GNA13: variants seen among roughly 807,000 people sequenced by gnomAD.
GNA13 encodes G protein subunit alpha 13.
A neutral mutation model predicts 33.5 loss-of-function variants in GNA13; 4 were observed. That is an observed-to-expected ratio of 0.12 (90% CI 0.06 to 0.27). The LOEUF (loss-of-function observed/expected upper bound fraction) is 0.27, where lower values mean the gene tolerates loss of function less well. Among genes scored for constraint, GNA13 ranks in the 10% least tolerant of loss-of-function variants. The pLI is 1.00. For synonymous variants in GNA13, 176 were observed against 183.8 expected (o/e 0.96, Z 0.34); for missense variants, 319 against 487.2 (o/e 0.65, Z 3.25).
intron 2 of GNA13, among the ~76,000 whole-genome samples, chr17:65,024,131 T>C (rs1286884122): frequency 6.6e-6 from 1 of 152,184 alleles, no homozygotes. Context: ...CATGTGCCTG[T>C]AGTCCCAACT....
Position 65,011,637 on chromosome 17 carries a change from A to G in GNA13, c.*2620T>C. 1 of 222,808 alleles carries G rather than the reference A, an allele frequency of 4.5e-6. No individual in the cohort carries two copies. Among genetic ancestry groups the G allele is most frequent in the East Asian group, 6.6e-5 (1 of 15,102 alleles). The allele number at this position is 222,808 out of a possible 1,614,324, so 13.8% of individuals were successfully genotyped here. Reference sequence around the variant, plus strand: ...CTTGTGTGATATTTCCTCAGAATTAAATGAGAAGGCATTCAGATTTAAGAA... The same window carrying G: ...CTTGTGTGATATTTCCTCAGAATTAGATGAGAAGGCATTCAGATTTAAGAA... On this transcript the variant is annotated 3_prime_UTR_variant, in exon 4 of 4. Transcript: ENST00000439174.
At chr17:65,056,275 G>T (rs1207493946) in intron 1 of GNA13, 36 bp downstream of exon 1, 31 of 1,284,372 alleles carry the variant, frequency 2.4e-5, no homozygotes, top group African/African-American at 1.4e-4. Flanking sequence ...CAGCCCCCCT[G>T]CCCTTAACCC....
At chr17:65,026,320 C>T (rs540450348) in intron 2 of GNA13, among the ~76,000 whole-genome samples, 3 of 152,214 alleles carry the variant, frequency 2.0e-5, no homozygotes, top group East Asian at 1.9e-4. Flanking sequence ...CCAATACCAA[C>T]ATAATTGACA....
chr17:65,020,270 T>C (rs1426279213), intron 2 of GNA13, among the ~76,000 whole-genome samples: 1 of 152,222 alleles, frequency 6.6e-6, no homozygotes, highest in Admixed American at 6.5e-5. Context: ...AAGGAACAGA[T>C]GTGAATTTCA....
chr17:65,015,515 TA>T (rs1383584938), intron 3 of GNA13, among the ~76,000 whole-genome samples: 1 of 151,746 alleles, frequency 6.6e-6, no homozygotes, highest in Non-Finnish European at 1.5e-5. Context: ...ACAAAAAAAT[TA>T]GCCAGGTGTG....
intron 2 of GNA13, chr17:65,052,012 T>G (rs1165449797): frequency 6.6e-6 from 1 of 152,248 alleles, no homozygotes; most frequent in Non-Finnish European, 1.5e-5. Context: ...TCGTGAACAC[T>G]TTCCTGGAAC....
chr17:65,025,357 G>A (rs1305089917), intron 2 of GNA13, among the ~76,000 whole-genome samples: 1 of 152,134 alleles, frequency 6.6e-6, no homozygotes, highest in Non-Finnish European at 1.5e-5. Context: ...ATTCTGACAA[G>A]CTTTATTTCC....
At chr17:65,035,391 T>A (rs539671709) in intron 2 of GNA13, among the ~76,000 whole-genome samples, 1 of 152,252 alleles carries the variant, frequency 6.6e-6, no homozygotes, top group Admixed American at 6.5e-5. Flanking sequence ...TATAAAGTTG[T>A]ACAGAAAGTA....
At position 65,012,102 on chromosome 17, in the gene GNA13, A is replaced by G. The variant is rs1326204150; in HGVS notation, c.*2155T>C. 4.4e-6 allele frequency: 1 copy of G among 227,274 alleles called. No homozygotes were observed. Among genetic ancestry groups the G allele is most frequent in the Non-Finnish European group, 8.7e-6 (1 of 114,400 alleles). 14.1% of individuals were successfully genotyped at this position (227,274 alleles called of 1,614,324 possible). A position where few individuals can be genotyped will look rare whatever the true frequency, so the allele number is the denominator to read the frequency against. ...AACTGCAAATGCCCAAAATAACATG[A>G]TATCTATTTGGTGTTTCAACACTTC... is the stretch of plus-strand genomic sequence containing the variant. On this transcript the variant is annotated 3_prime_UTR_variant, in exon 4 of 4. Transcript: ENST00000439174.
chr17:65,019,958 T>C (rs761738578), intron 2 of GNA13, among the ~76,000 whole-genome samples: 5 of 152,200 alleles, frequency 3.3e-5, no homozygotes, highest in Non-Finnish European at 5.9e-5. Flanking sequence ...GAATCTATTA[T>C]GTGCCCACAA....
At chr17:65,046,223 TA>T (rs1372521561) in intron 2 of GNA13, among the ~76,000 whole-genome samples, 10 of 152,184 alleles carry the variant, frequency 6.6e-5, no homozygotes, top group African/African-American at 2.4e-4. Context: ...TTATAAAACG[TA>T]AGATATTAAA....
At chr17:65,029,872 T>A (rs1906940587) in intron 2 of GNA13, among the ~76,000 whole-genome samples, 1 of 152,198 alleles carries the variant, frequency 6.6e-6, no homozygotes, top group Non-Finnish European at 1.5e-5. Flanking sequence ...CGGGAAGGTT[T>A]TTTTTTTTAA....
At position 65,053,687 on chromosome 17, in the gene GNA13, G is replaced by A. The variant is rs754564812; in HGVS notation, c.325C>T (p.Pro109Ser). 1 of 1,613,764 alleles carries A rather than the reference G, an allele frequency of 6.2e-7. No individual in the cohort carries two copies. The highest frequency in any genetic ancestry group is 2.2e-5 in the East Asian group (1 of 44,880). ...LVDAREKLHI[P>S]WGDNSNQQHG... ...TGTTGGTTTGAGTTGTCTCCCCAGG[G>A]AATATGAAGCTTCTCTCGAGCATCA... Residue 109 changes from proline (P) to serine (S), a missense_variant, in exon 2 of 4, where the codon CCC (proline) becomes TCC (serine). Pro to Ser is a moderately conservative substitution (Grantham distance 74, BLOSUM62 -1). Coordinates refer to ENST00000439174, the MANE Select transcript of GNA13 (RefSeq NM_006572.6).
At chr17:65,021,166 C>T (rs1906568801) in intron 2 of GNA13, among the ~76,000 whole-genome samples, 1 of 152,124 alleles carries the variant, frequency 6.6e-6, no homozygotes, top group Admixed American at 6.5e-5. Context: ...ATTTCAGTTC[C>T]ATTTAAATGG....
At chr17:65,029,583 C>T (rs1906924743) in intron 2 of GNA13, among the ~76,000 whole-genome samples, 1 of 151,070 alleles carries the variant, frequency 6.6e-6, no homozygotes, top group Admixed American at 6.7e-5. Context: ...TCCCAACTCT[C>T]GGTAATCATA....
intron 1 of GNA13, 112 bp from the exon 2 acceptor site, chr17:65,053,840 T>G (rs879768130): frequency 2.9e-6 from 2 of 683,704 alleles, no homozygotes; most frequent in Non-Finnish European, 5.0e-6. Flanking sequence ...AGACAAACCT[T>G]CTTCAAAAAT....
rs1906170536 is a variant in GNA13 at position 65,011,059 on chromosome 17, C to CA, written c.*3197dup. On this transcript the variant is annotated 3_prime_UTR_variant, in exon 4 of 4. Coordinates refer to ENST00000439174, the MANE Select transcript of GNA13 (RefSeq NM_006572.6). ...TGCTGAAAATACATTTTATCAAAAG[C>CA]ATAAATACAAGTATTTGGGTACACA... The CA allele has an allele frequency of 4.9e-6, 1 of 204,072 alleles. No individual in the cohort carries two copies. Among genetic ancestry groups the CA allele is most frequent in the African/African-American group, 2.3e-5 (1 of 43,658 alleles). The allele number at this position is 204,072 out of a possible 1,614,324, so 12.6% of individuals were successfully genotyped here.
intron 2 of GNA13, among the ~76,000 whole-genome samples, chr17:65,023,911 A>G (rs1265485592): frequency 1.3e-5 from 2 of 152,216 alleles, no homozygotes; most frequent in East Asian, 3.8e-4. Flanking sequence ...AGAAGAATCT[A>G]ACAGGATTCT....
chr17:65,037,778 G>GAAAAAAAA lies in GNA13; in HGVS notation c.510+15716_510+15723dup, dbSNP rs71158360. On this transcript the variant is annotated intron_variant, in intron 2 of 3. Coordinates refer to ENST00000439174, the MANE Select transcript of GNA13 (RefSeq NM_006572.6). ...GAGAGACCCAGCCTCTACAAAAATG[G>GAAAAAAAA]AAAAAAAAAAAAAAAAAAAAAAGAC... is the stretch of plus-strand genomic sequence containing the variant. Among the ~76,000 whole-genome samples the GAAAAAAAA allele has an allele frequency of 1.7e-4, 17 of 99,140 alleles. 1 individual carries two copies. Among genetic ancestry groups the GAAAAAAAA allele is most frequent in the East Asian group, 3.4e-4 (1 of 2,924 alleles). The allele number at this position is 99,140 out of a possible 152,430, so 65.0% of individuals were successfully genotyped here.
Sources: allele counts gnomAD v4.1 joint callset (sites outside exome capture counted in the v4.1 genomes callset), GRCh38; gene constraint gnomAD v4.1.1; transcripts MANE v1.5; gene names NCBI Gene and HGNC (gene_info 2026-07-23, HGNC 2026-07-21).